RBM45: variants seen among roughly 807,000 people sequenced by gnomAD.
RBM45 encodes RNA-binding protein 45.
In RBM45, 39 loss-of-function variants were observed where a neutral mutation model predicts 58.5. The observed-to-expected ratio is 0.67, with a 90% CI of 0.52 to 0.87. RBM45 has a LOEUF of 0.87. Among genes scored for constraint, RBM45 ranks in the 40% least tolerant of loss-of-function variants. The probability of loss-of-function intolerance (pLI) is 0.00; values close to 1 mark genes in which losing one functional copy is unlikely to be tolerated. For missense variants in RBM45, 481 were observed against 581.6 expected (o/e 0.83, Z 1.78); for synonymous variants, 193 against 203.0 (o/e 0.95, Z 0.42).
At chr2:178,121,426 A>C in intron 5 of RBM45, 67 bp downstream of exon 5, 1 of 757,324 alleles carries the variant, frequency 1.3e-6, no homozygotes, top group South Asian at 4.8e-5. Flanking sequence ...ACACACACAC[A>C]CACACACACA....
At chr2:178,133,218 A>G (rs1165343718), downstream of RBM45, among the ~76,000 whole-genome samples, 1 of 152,258 alleles carries the variant, frequency 6.6e-6, no homozygotes, top group Admixed American at 6.5e-5. Flanking sequence ...ACAGTCTCAC[A>G]AATAACAAAT....
chr2:178,130,701 G>C (rs1004605948), downstream of RBM45, among the ~76,000 whole-genome samples: 1 of 152,162 alleles, frequency 6.6e-6, no homozygotes, highest in Non-Finnish European at 1.5e-5. Flanking sequence ...ACATGCATTT[G>C]TTAAAACGTA....
Position 178,112,874 on chromosome 2 carries a change from C to T in RBM45, c.300+28C>T, listed in dbSNP as rs760045638. The T allele has an allele frequency of 7.5e-6, 12 of 1,593,706 alleles. No homozygotes were observed. The East Asian group carries it at 2.5e-4, about 33-fold the overall frequency. On this transcript the variant is annotated intron_variant, in intron 1 of 9. Transcript: ENST00000286070. ...GCGGGTGCCCGGGTCGGGGTGCCCT[C>T]GGGGGAAGGAGTGGGCCTCTTGGAC...
At chr2:178,132,367 G>T (rs935351484), downstream of RBM45, among the ~76,000 whole-genome samples, 1 of 152,262 alleles carries the variant, frequency 6.6e-6, no homozygotes, top group Non-Finnish European at 1.5e-5. Flanking sequence ...AAATAGCCAG[G>T]AAATTATTAC....
intron 1 of RBM45, among the ~76,000 whole-genome samples, chr2:178,114,468 A>G (rs1043798936): frequency 1.3e-5 from 2 of 152,214 alleles, no homozygotes; most frequent in African/African-American, 4.8e-5. Flanking sequence ...CCTCAGAGAA[A>G]TTAAAGATCT....
intron 2 of RBM45, among the ~76,000 whole-genome samples, chr2:178,117,315 C>G (rs1029625246): frequency 1.3e-5 from 2 of 151,746 alleles, no homozygotes; most frequent in African/African-American, 2.4e-5. Context: ...TTTTCTTTTC[C>G]TGAATGAACA....
intron 3 of RBM45, among the ~76,000 whole-genome samples, chr2:178,134,672 T>G (rs2088031018): frequency 6.6e-6 from 1 of 152,098 alleles, no homozygotes; most frequent in South Asian, 2.1e-4. Flanking sequence ...AAATATGTAA[T>G]TTCATTTTTT....
chr2:178,123,561 T>C lies in RBM45; in HGVS notation c.893T>C (p.Ile298Thr), dbSNP rs1466547787. 1 of 1,605,738 alleles carries C rather than the reference T, an allele frequency of 6.2e-7. No homozygotes were observed. The highest frequency in any genetic ancestry group is 1.1e-5 in the South Asian group (1 of 89,070). The change falls in exon 6 of 10, where the codon ATT (isoleucine) becomes ACT (threonine). Residue 298 changes from isoleucine (I) to threonine (T), a missense_variant. Coordinates refer to ENST00000286070, the MANE Select transcript of RBM45 (RefSeq NM_152945.4). ...VVQYFNVASA[I>T]YAKYKLHGFQ... ...CAGTATTTTAATGTAGCATCAGCTA[T>C]TTATGCAAAATACAAATTACATGGA...
chr2:178,124,768 T>A (rs1331154379), intron 8 of RBM45, among the ~76,000 whole-genome samples: 3 of 152,160 alleles, frequency 2.0e-5, no homozygotes, highest in Non-Finnish European at 4.4e-5. Flanking sequence ...GAGCCAAGAT[T>A]GTGCTACTGT....
At chr2:178,123,283 T>C (rs2087879767) in intron 5 of RBM45, among the ~76,000 whole-genome samples, 1 of 152,222 alleles carries the variant, frequency 6.6e-6, no homozygotes, top group Non-Finnish European at 1.5e-5. Context: ...TATGTTAATA[T>C]TCCATTTTCC....
At chr2:178,115,515 ATATAG>A (rs1456151944) in intron 1 of RBM45, among the ~76,000 whole-genome samples, 1 of 152,192 alleles carries the variant, frequency 6.6e-6, no homozygotes, top group East Asian at 1.9e-4. Context: ...GGTGCTTGAC[ATATAG>A]TATAGATTTA....
chr2:178,121,283 ACAGCTTTT>A lies in RBM45; in HGVS notation c.782_789del (p.Leu261HisfsTer3). ...TATCAAGAGTTCCTTTCACTGAAGA[ACAGCTTTT>A]CAGCATTTTTGATATAGTACCAGGA... On this transcript the variant is annotated frameshift_variant, in exon 5 of 10. Coordinates refer to ENST00000286070, the MANE Select transcript of RBM45 (RefSeq NM_152945.4). LOFTEE classifies it high-confidence loss of function. The A allele has an allele frequency of 6.2e-7, 1 of 1,606,740 alleles. No homozygotes were observed. Among genetic ancestry groups the A allele is most frequent in the Non-Finnish European group, 8.5e-7 (1 of 1,176,202 alleles).
Position 178,116,312 on chromosome 2 carries a change from TG to T in RBM45, c.352del (p.Glu118LysfsTer9). 1 of 1,612,986 alleles carries T rather than the reference TG, an allele frequency of 6.2e-7. No homozygotes were observed. Among genetic ancestry groups the T allele is most frequent in the Non-Finnish European group, 8.5e-7 (1 of 1,179,612 alleles). ...CTGGAAGTCACCGAGATGTTGAAGA[TG>T]AAGAACTTACAAGAATCTTTGTTAT... ...SSGSHRDVED[E>X]ELTRIFVMIP... On this transcript the variant is annotated frameshift_variant, in exon 2 of 10. Transcript: ENST00000286070. LOFTEE classifies it high-confidence loss of function.
At chr2:178,123,448 G>T in intron 5 of RBM45, 74 bp from the exon 6 acceptor site, 1 of 1,437,210 alleles carries the variant, frequency 7.0e-7, no homozygotes. Context: ...TTTCATTTTT[G>T]TGATAGATTG....
At chr2:178,118,273 G>C (rs144152809) in intron 3 of RBM45, 92 bp downstream of exon 3, 3 of 1,213,878 alleles carry the variant, frequency 2.5e-6, no homozygotes, top group Non-Finnish European at 3.4e-6. Context: ...GCTAATAACT[G>C]TATCTGCTAA....
intron 3 of RBM45, among the ~76,000 whole-genome samples, chr2:178,135,300 C>CA (rs1174435247): frequency 1.3e-5 from 2 of 151,874 alleles, no homozygotes; most frequent in East Asian, 1.9e-4. Context: ...CCAACAGTGG[C>CA]AAAAAAAGAG....
At chr2:178,122,854 T>C (rs1468605634) in intron 5 of RBM45, among the ~76,000 whole-genome samples, 1 of 152,210 alleles carries the variant, frequency 6.6e-6, no homozygotes, top group African/African-American at 2.4e-5. Context: ...GTTTCCCCAG[T>C]GGTTTGTATT....
intron 1 of RBM45, among the ~76,000 whole-genome samples, chr2:178,113,426 A>T (rs2087731280): frequency 6.6e-6 from 1 of 152,228 alleles, no homozygotes. Context: ...CATATTCTTC[A>T]CATTTTGTTA....
At position 178,135,732 on chromosome 2, in the gene RBM45, C is replaced by G. The variant is rs1026554288; in HGVS notation, c.*9-731C>G. On this transcript the variant is annotated intron_variant, in intron 3 of 3. Coordinates refer to the RBM45 transcript ENST00000455903. The stretch of plus-strand genomic sequence containing the variant: ...CAAAAATGAGTTTCATATGTGGTAC[C>G]CACATGGCCTTTTTGGGTCTGTTTT... Among the ~76,000 whole-genome samples the G allele has an allele frequency of 4.0e-4, 61 of 152,060 alleles. 1 individual carries two copies. Among genetic ancestry groups the G allele is most frequent in the Non-Finnish European group, 8.8e-5 (6 of 68,020 alleles).
Sources: allele counts gnomAD v4.1 joint callset (sites outside exome capture counted in the v4.1 genomes callset), GRCh38; gene constraint gnomAD v4.1.1; transcripts MANE v1.5; gene names NCBI Gene and HGNC (gene_info 2026-07-23, HGNC 2026-07-21).